Variants in PCSK5 observed in about 807,000 individuals in gnomAD.
PCSK5 encodes prohormone convertase 5.
In PCSK5, 129 loss-of-function variants were observed where a neutral mutation model predicts 233.2. The ratio of observed to expected loss-of-function variants is 0.55; its 90% CI spans 0.48 to 0.64. The LOEUF (loss-of-function observed/expected upper bound fraction) is 0.64. PCSK5 is among the 30% of genes least tolerant of loss of function. The pLI, the probability that PCSK5 is intolerant of heterozygous loss-of-function variation, is 0.00. For synonymous variants in PCSK5, 825 were observed against 879.2 expected, an observed-to-expected ratio of 0.94 and a Z score of 1.09; for missense variants, 2,076 against 2,430.1, an observed-to-expected ratio of 0.85 and a Z score of 3.06.
chr9:76,290,421 T>C (rs1216716440), intron 24 of PCSK5, among the ~76,000 whole-genome samples: 1 of 152,180 alleles, frequency 6.6e-6, no homozygotes, highest in East Asian at 1.9e-4. Context: ...TTAGTCACCG[T>C]ATTACAAACC....
At chr9:76,053,144 T>C (rs904526871) in intron 5 of PCSK5, among the ~76,000 whole-genome samples, 1 of 152,192 alleles carries the variant, frequency 6.6e-6, no homozygotes, top group Non-Finnish European at 1.5e-5. Context: ...GTGCAAGCTG[T>C]CAGTGTATCT....
At chr9:76,244,129 G>A (rs2131334751) in intron 24 of PCSK5, among the ~76,000 whole-genome samples, 1 of 152,274 alleles carries the variant, frequency 6.6e-6, no homozygotes, top group African/African-American at 2.4e-5. Context: ...AGGAAGTTGA[G>A]GTGGGAGGAT....
intron 14 of PCSK5, among the ~76,000 whole-genome samples, chr9:76,176,321 C>T (rs62556623): frequency 0.011 from 1,604 of 152,246 alleles, 13 homozygotes; most frequent in Middle Eastern, 0.038. Flanking sequence ...AGTTCTTATA[C>T]CAGCATCTTT....
chr9:76,193,337 T>C (rs1471344972), intron 20 of PCSK5: 13 of 1,611,906 alleles, frequency 8.1e-6, no homozygotes, highest in Admixed American at 3.3e-5. Context: ...GCAAAACATG[T>C]ACATTTCAAG....
chr9:76,269,043 C>A (rs562465549), intron 24 of PCSK5, among the ~76,000 whole-genome samples: 1 of 152,154 alleles, frequency 6.6e-6, no homozygotes. Context: ...CAGGCAGGTA[C>A]CATGGTCAAG....
At chr9:76,234,375 A>G (rs1587788419) in intron 22 of PCSK5, among the ~76,000 whole-genome samples, 1 of 152,130 alleles carries the variant, frequency 6.6e-6, no homozygotes, top group Non-Finnish European at 1.5e-5. Flanking sequence ...ATCTCTCCCC[A>G]GTCCCCACCA....
chr9:75,891,103 A>T lies in PCSK5; in HGVS notation c.-79A>T. On this transcript the variant is annotated 5_prime_UTR_variant, in exon 1 of 38. Transcript: ENST00000674117. ...CCCGGGGCTGCTCGCCGGGCGGCGC[A>T]GGCCGGAGAAGTTAGTTGTGCGCGC... 2.6e-6 allele frequency: 3 copies of T among 1,141,914 alleles called. No homozygotes were observed. The highest frequency in any genetic ancestry group is 3.4e-6 in the Non-Finnish European group (3 of 872,246). 70.7% of individuals were successfully genotyped at this position (1,141,914 alleles called of 1,614,324 possible).
chr9:76,026,361 A>G lies in PCSK5; in HGVS notation c.556-600A>G, dbSNP rs1408038850. ...CAATGGTTATTAGTAGAATGTCTAAATTATGGACTCCTTTATAGTAGATAC... is the reference window on the plus strand; with the variant it reads ...CAATGGTTATTAGTAGAATGTCTAAGTTATGGACTCCTTTATAGTAGATAC... On this transcript the variant is annotated intron_variant, in intron 4 of 37. Coordinates refer to ENST00000674117, the MANE Select transcript of PCSK5 (RefSeq NM_001372043.1). 4.6e-5 allele frequency among the ~76,000 whole-genome samples: 7 copies of G among 152,176 alleles called. 1 individual carries two copies. The highest frequency in any genetic ancestry group is 3.9e-4 in the Admixed American group (6 of 15,278).
intron 24 of PCSK5, among the ~76,000 whole-genome samples, chr9:76,282,260 G>A (rs1481230789): frequency 6.8e-6 from 1 of 146,772 alleles, no homozygotes; most frequent in African/African-American, 2.5e-5. Context: ...TAGGACTACA[G>A]GTGTGTGCCA....
chr9:76,166,469 G>A (rs1348638140), intron 12 of PCSK5, among the ~76,000 whole-genome samples: 1 of 152,214 alleles, frequency 6.6e-6, no homozygotes, highest in East Asian at 1.9e-4. Flanking sequence ...ACAGGAAAGG[G>A]TGGAAGGGAA....
chr9:75,972,247 T>C (rs1271155539), intron 2 of PCSK5, among the ~76,000 whole-genome samples: 1 of 152,246 alleles, frequency 6.6e-6, no homozygotes, highest in Non-Finnish European at 1.5e-5. Flanking sequence ...CATGTCTGTT[T>C]TTGTACCACT....
intron 3 of PCSK5, among the ~76,000 whole-genome samples, chr9:75,989,119 A>G (rs1397353289): frequency 6.6e-6 from 1 of 152,196 alleles, no homozygotes; most frequent in Non-Finnish European, 1.5e-5. Flanking sequence ...GTTAGGACAG[A>G]ACGAGTCAGG....
At chr9:76,200,046 T>A (rs971611612) in intron 20 of PCSK5, among the ~76,000 whole-genome samples, 4 of 152,142 alleles carry the variant, frequency 2.6e-5, no homozygotes, top group African/African-American at 9.7e-5. Flanking sequence ...ATTGTTGCCA[T>A]CCCAGACTGC....
rs78630207 is a variant in PCSK5, at chr9:76,336,819, G to T, written c.4749-1411G>T. Among the ~76,000 whole-genome samples, 3 of 152,262 alleles carry T rather than the reference G, an allele frequency of 2.0e-5. No individual in the cohort carries two copies. The East Asian group carries it at 5.8e-4, about 29-fold the overall frequency. ...ATAGATGAGAAACCTGAGGCACAGA[G>T]ATGTTGAGTGACTGGCCCAAGGTCA... is the stretch of plus-strand genomic sequence containing the variant. On this transcript the variant is annotated intron_variant, in intron 34 of 37. Coordinates refer to ENST00000674117, the MANE Select transcript of PCSK5 (RefSeq NM_001372043.1).
chr9:76,224,666 G>T (rs1825831196), intron 20 of PCSK5, among the ~76,000 whole-genome samples: 1 of 152,166 alleles, frequency 6.6e-6, no homozygotes, highest in African/African-American at 2.4e-5. Flanking sequence ...TAAAATCTTG[G>T]AGATGGGGTA....
At chr9:76,097,042 C>A (rs1261463972) in intron 8 of PCSK5, among the ~76,000 whole-genome samples, 29 of 151,528 alleles carry the variant, frequency 1.9e-4, no homozygotes, top group Admixed American at 1.1e-3. Flanking sequence ...AGTGATTCTC[C>A]TGCCTAAGCC....
intron 2 of PCSK5, among the ~76,000 whole-genome samples, chr9:75,949,554 G>A (rs111586012): frequency 0.035 from 5,257 of 151,512 alleles, 116 homozygotes; most frequent in Middle Eastern, 0.1. Flanking sequence ...TTTTTGAGAC[G>A]GAGTCTCACT....
intron 4 of PCSK5, among the ~76,000 whole-genome samples, chr9:76,024,252 T>G (rs1352598764): frequency 6.6e-6 from 1 of 152,244 alleles, no homozygotes; most frequent in South Asian, 2.1e-4. Context: ...AGTTATCTGC[T>G]GGTCTTTTTC....
chr9:76,120,015 TG>T (rs1832573335), intron 9 of PCSK5, among the ~76,000 whole-genome samples: 1 of 152,102 alleles, frequency 6.6e-6, no homozygotes, highest in Non-Finnish European at 1.5e-5. Context: ...TCACTGGTTT[TG>T]ATTTTTAGAT....
Sources: allele counts gnomAD v4.1 joint callset (sites outside exome capture counted in the v4.1 genomes callset), GRCh38; gene constraint gnomAD v4.1.1; transcripts MANE v1.5; gene names NCBI Gene and HGNC (gene_info 2026-07-23, HGNC 2026-07-21).